PRAG1: variants seen among roughly 807,000 people sequenced by gnomAD.
PRAG1 encodes PEAK1 related, kinase-activating pseudokinase 1.
A neutral mutation model predicts 95.6 loss-of-function variants in PRAG1; 110 were observed. That is an observed-to-expected ratio of 1.15 (90% CI 0.99 to 1.35). The LOEUF (loss-of-function observed/expected upper bound fraction) is 1.35, where lower values mean the gene tolerates loss of function less well. Among genes scored for constraint, PRAG1 ranks in the 40% most tolerant of loss-of-function variants. The pLI is 0.00. For synonymous variants in PRAG1, 1,052 were observed against 819.4 expected (o/e 1.28, Z -4.85); for missense variants, 2,554 against 1,864.7 (o/e 1.37, Z -6.81).
chr8:8,325,893 C>T (rs747767719), intron 5 of PRAG1, among the ~76,000 whole-genome samples: 5 of 151,090 alleles, frequency 3.3e-5, no homozygotes, highest in Non-Finnish European at 7.4e-5. Context: ...GCCTGGGCAA[C>T]AGAGCGAGAC....
At chr8:8,352,097 A>T (rs1167063411) in intron 3 of PRAG1, among the ~76,000 whole-genome samples, 2 of 152,186 alleles carry the variant, frequency 1.3e-5, no homozygotes, top group Non-Finnish European at 2.9e-5. Context: ...ACTTTGTTGA[A>T]CCAGCTTCAG....
At chr8:8,335,724 T>C (rs537960160) in intron 4 of PRAG1, among the ~76,000 whole-genome samples, 1 of 151,424 alleles carries the variant, frequency 6.6e-6, no homozygotes, top group South Asian at 2.1e-4. Context: ...CCCCACCCTG[T>C]TCCTGGCTTG....
intron 3 of PRAG1, among the ~76,000 whole-genome samples, chr8:8,362,743 G>A (rs373967650): frequency 2.0e-5 from 3 of 152,184 alleles, no homozygotes; most frequent in East Asian, 1.9e-4. Context: ...CACACTGAAC[G>A]AAGAGACACA....
chr8:8,358,215 A>G (rs1799740622), intron 3 of PRAG1, among the ~76,000 whole-genome samples: 1 of 152,230 alleles, frequency 6.6e-6, no homozygotes, highest in Non-Finnish European at 1.5e-5. Context: ...ATTATAAAGT[A>G]TATCACAAAG....
chr8:8,361,021 A>G (rs1799828008), intron 3 of PRAG1, among the ~76,000 whole-genome samples: 1 of 152,190 alleles, frequency 6.6e-6, no homozygotes, highest in African/African-American at 2.4e-5. Flanking sequence ...CAGGATGGAA[A>G]TTAATTCAGC....
At chr8:8,351,444 C>T (rs1045926827) in intron 3 of PRAG1, among the ~76,000 whole-genome samples, 1 of 152,100 alleles carries the variant, frequency 6.6e-6, no homozygotes, top group Non-Finnish European at 1.5e-5. Context: ...TTTTTGCTAT[C>T]GACAGAAGCA....
chr8:8,374,563 G>C lies in PRAG1; in HGVS notation c.2162+1684C>G, dbSNP rs532302215. On this transcript the variant is annotated intron_variant, in intron 3 of 5. Transcript: ENST00000615670. ...CTGGCAATTCCTACCTCTTAGGGCT[G>C]TTCTGAGGATGAAATGAGTTGTTAT... 3.8e-5 allele frequency: 30 copies of C among 779,718 alleles called. No individual in the cohort carries two copies. In the East Asian group the frequency reaches 3.7e-3, roughly 95 times the overall value. 48.3% of individuals were successfully genotyped at this position (779,718 alleles called of 1,614,324 possible).
intron 3 of PRAG1, among the ~76,000 whole-genome samples, chr8:8,363,062 T>C (rs56097010): frequency 0.12 from 18,045 of 146,428 alleles, 1,206 homozygotes; most frequent in Middle Eastern, 0.15. Flanking sequence ...TATATAGATA[T>C]AGATATATAG....
chr8:8,359,562 G>C (rs913780500), intron 3 of PRAG1, among the ~76,000 whole-genome samples: 3 of 152,160 alleles, frequency 2.0e-5, no homozygotes, highest in Non-Finnish European at 4.4e-5. Context: ...TACTTGACTG[G>C]TAAAATTGGA....
chr8:8,377,343 G>C lies in PRAG1; in HGVS notation c.1066C>G (p.Pro356Ala), dbSNP rs779676710. 6.3e-7 allele frequency: 1 copy of C among 1,593,584 alleles called. No individual in the cohort carries two copies. The change falls in exon 3 of 6, where the codon CCC becomes GCC. Residue 356 changes from proline to alanine, a missense_variant. Coordinates refer to ENST00000615670, the MANE Select transcript of PRAG1 (RefSeq NM_001080826.3). ...TCACTCTCGAGGTGGGGGACGAAGG[G>C]GCTACTGGCGCCGCTGCCGCTGCCG... ...GSGSGSGASS[P>A]FVPHLESDYC...
intron 5 of PRAG1, among the ~76,000 whole-genome samples, chr8:8,324,474 T>G (rs1360176579): frequency 2.0e-5 from 3 of 152,000 alleles, no homozygotes; most frequent in South Asian, 4.2e-4. Context: ...GCCCTGTGAG[T>G]GAGCTGTAGG....
intron 3 of PRAG1, chr8:8,374,823 C>A: frequency 3.0e-6 from 1 of 331,170 alleles, no homozygotes; most frequent in Non-Finnish European, 4.3e-6. Context: ...GTGCCTGAGA[C>A]GCCGTGATGT....
intron 3 of PRAG1, 61 bp downstream of exon 3, chr8:8,376,186 G>T (rs927577045): frequency 1.9e-6 from 3 of 1,561,962 alleles, no homozygotes; most frequent in Non-Finnish European, 2.6e-6. Flanking sequence ...GAGGGCAAAG[G>T]TTTCTTCTGG....
At chr8:8,354,291 C>T (rs140239287) in intron 3 of PRAG1, among the ~76,000 whole-genome samples, 1,612 of 151,848 alleles carry the variant, frequency 0.011, 11 homozygotes, top group Non-Finnish European at 0.018. Flanking sequence ...AACGTTCCAA[C>T]GAAGAAAACC....
chr8:8,339,633 T>C lies in PRAG1; in HGVS notation c.2165A>G (p.His722Arg), dbSNP rs1435787710. The change falls in exon 4 of 6, where the codon CAC (histidine) becomes CGC (arginine). Residue 722 changes from histidine to arginine, a missense_variant and splice_region_variant. His to Arg is a conservative substitution (Grantham distance 29, BLOSUM62 0). Coordinates refer to ENST00000615670, the MANE Select transcript of PRAG1 (RefSeq NM_001080826.3). ...SPPPPPPKSR[H>R]LLKMNKSSSD... is the part of the protein sequence containing the mutation. ...GCTGCTCTTGTTCATTTTTAGAAGG[T>C]GCCTGGAAAAGGTAGGAACAAACAA... The C allele has an allele frequency of 6.2e-7, 1 of 1,610,830 alleles. No individual in the cohort carries two copies. The highest frequency in any genetic ancestry group is 8.5e-7 in the Non-Finnish European group (1 of 1,177,394).
chr8:8,365,257 T>C (rs1278504012), intron 3 of PRAG1, among the ~76,000 whole-genome samples: 2 of 152,148 alleles, frequency 1.3e-5, no homozygotes, highest in African/African-American at 2.4e-5. Context: ...TTTTCATTGT[T>C]AAACTATCCC....
intron 3 of PRAG1, among the ~76,000 whole-genome samples, chr8:8,353,267 C>G (rs942685279): frequency 1.3e-5 from 2 of 152,074 alleles, no homozygotes; most frequent in Non-Finnish European, 2.9e-5. Flanking sequence ...TCTTCTCTAG[C>G]ACACATGGAA....
At chr8:8,382,316 G>C (rs1800705776) in intron 1 of PRAG1, among the ~76,000 whole-genome samples, 1 of 152,222 alleles carries the variant, frequency 6.6e-6, no homozygotes, top group Non-Finnish European at 1.5e-5. Context: ...AGAACTGTGT[G>C]AGAGGGGAGG....
intron 3 of PRAG1, among the ~76,000 whole-genome samples, chr8:8,354,006 T>C (rs1282558282): frequency 1.3e-5 from 2 of 151,594 alleles, no homozygotes; most frequent in Non-Finnish European, 2.9e-5. Flanking sequence ...GAGAATTGGT[T>C]CTTTGAAAAA....
Sources: allele counts gnomAD v4.1 joint callset (sites outside exome capture counted in the v4.1 genomes callset), GRCh38; gene constraint gnomAD v4.1.1; transcripts MANE v1.5; gene names NCBI Gene and HGNC (gene_info 2026-07-23, HGNC 2026-07-21).